The following AMOTL1 variants were observed in gnomAD, a reference collection of about 807,000 sequenced individuals.
AMOTL1 encodes angiomotin like 1, also known as angiomotin-like protein 1.
Under a neutral mutation model 102.9 loss-of-function variants are expected in AMOTL1, and 45 were observed. The ratio of observed to expected loss-of-function variants is 0.44; its 90% CI spans 0.34 to 0.56. The LOEUF (loss-of-function observed/expected upper bound fraction) is 0.56, where lower values mean the gene tolerates loss of function less well. Among genes scored for constraint, AMOTL1 ranks in the 20% least tolerant of loss-of-function variants. The pLI, the probability that AMOTL1 is intolerant of heterozygous loss-of-function variation, is 0.01. For missense variants in AMOTL1, 1,114 were observed against 1,225.6 expected (o/e 0.91, Z 1.36); for synonymous variants, 481 against 484.7 (o/e 0.99, Z 0.10).
At chr11:94,731,729 G>A (rs950028248) in intron 2 of AMOTL1, among the ~76,000 whole-genome samples, 3 of 152,164 alleles carry the variant, frequency 2.0e-5, no homozygotes, top group Non-Finnish European at 4.4e-5. Flanking sequence ...AAACTTGTAC[G>A]ACATCATTCA....
intron 1 of AMOTL1, among the ~76,000 whole-genome samples, chr11:94,791,733 C>A (rs534896047): frequency 1.3e-5 from 2 of 152,326 alleles, no homozygotes; most frequent in South Asian, 4.1e-4. Context: ...AGCTCTCGCT[C>A]CTGGCCATGA....
In AMOTL1 at chr11:94,875,215, T is replaced by C. The variant is rs1488735913; in HGVS notation, c.*4420T>C. On this transcript the variant is annotated 3_prime_UTR_variant, in exon 13 of 13. Transcript: ENST00000433060. ...CTCTGACGTGTGGCTCCATGGGAGA[T>C]AGGCAAAGTAATTAAGAAGTTACCA... The C allele has an allele frequency of 6.6e-6, 1 of 152,238 alleles. No homozygotes were observed. Among genetic ancestry groups the C allele is most frequent in the African/African-American group, 2.4e-5 (1 of 41,464 alleles). 9.4% of individuals were successfully genotyped at this position (152,238 alleles called of 1,614,324 possible).
At chr11:94,786,460 T>C (rs570406908) in intron 1 of AMOTL1, among the ~76,000 whole-genome samples, 1 of 152,212 alleles carries the variant, frequency 6.6e-6, no homozygotes, top group Admixed American at 6.5e-5. Context: ...TAGGGCACAG[T>C]CCTGTGGGCT....
In AMOTL1 at chr11:94,799,341, A is replaced by C; in HGVS notation, c.200-49A>C. On this transcript the variant is annotated intron_variant, in intron 2 of 12. Transcript: ENST00000433060. This position sits in a 1 kb window ranked among gnomAD's most constrained non-coding sequence, Gnocchi z 4.5. ...ATGTACCACATAGTCACAGACATAT[A>C]TCTCCTGTGGAGCTGCCTGATATCT... The C allele has an allele frequency of 7.1e-7, 1 of 1,410,184 alleles. No homozygotes were observed. The highest frequency in any genetic ancestry group is 9.6e-7 in the Non-Finnish European group (1 of 1,042,562). The allele number at this position is 1,410,184 out of a possible 1,614,324, so 87.4% of individuals were successfully genotyped here.
At chr11:94,866,668 T>G (rs113939952) in intron 11 of AMOTL1, 164 of 96,460 alleles carry the variant, frequency 1.7e-3, no homozygotes, top group African/African-American at 2.5e-3. Flanking sequence ...GGGATAATGG[T>G]GGGAGGAGAG....
At chr11:94,861,970 C>T (rs1460907260) in intron 9 of AMOTL1, among the ~76,000 whole-genome samples, 2 of 152,116 alleles carry the variant, frequency 1.3e-5, no homozygotes, top group Non-Finnish European at 2.9e-5. Context: ...TAGGCCCAGC[C>T]TTGTTCTTAT....
At chr11:94,719,548 C>G (rs1055802581) in intron 1 of AMOTL1, among the ~76,000 whole-genome samples, 1 of 146,566 alleles carries the variant, frequency 6.8e-6, no homozygotes, top group African/African-American at 2.5e-5. Context: ...ATTAGTAAGA[C>G]AAAAAGCCAG....
At chr11:94,823,596 C>T (rs1383516424) in intron 4 of AMOTL1, among the ~76,000 whole-genome samples, 1 of 152,182 alleles carries the variant, frequency 6.6e-6, no homozygotes, top group Non-Finnish European at 1.5e-5. Flanking sequence ...AGAAGCTATA[C>T]AGACCCACTT....
At chr11:94,774,964 G>GTC (rs1951004405) in intron 1 of AMOTL1, among the ~76,000 whole-genome samples, 1 of 151,934 alleles carries the variant, frequency 6.6e-6, no homozygotes, top group African/African-American at 2.4e-5. Flanking sequence ...TCTATCATTT[G>GTC]TCTCTCACTC....
intron 6 of AMOTL1, among the ~76,000 whole-genome samples, chr11:94,838,589 T>C (rs979612741): frequency 3.3e-5 from 5 of 152,188 alleles, no homozygotes; most frequent in African/African-American, 1.2e-4. Context: ...GGTCATACTT[T>C]GCTGACCTCG....
chr11:94,842,573 T>G (rs1478341263), intron 6 of AMOTL1, among the ~76,000 whole-genome samples: 1 of 152,230 alleles, frequency 6.6e-6, no homozygotes, highest in Non-Finnish European at 1.5e-5. Context: ...GCATTGCACT[T>G]TAGGCTTTAC....
chr11:94,835,990 G>C (rs760538793), intron 6 of AMOTL1, among the ~76,000 whole-genome samples: 1 of 152,150 alleles, frequency 6.6e-6, no homozygotes, highest in African/African-American at 2.4e-5. Context: ...AATGTAGCTG[G>C]CTGGCAATCA....
intron 9 of AMOTL1, among the ~76,000 whole-genome samples, chr11:94,860,451 A>T (rs1952753279): frequency 6.6e-6 from 1 of 152,196 alleles, no homozygotes; most frequent in African/African-American, 2.4e-5. Context: ...AAACTAGCTC[A>T]AAGTGTGCAG....
chr11:94,811,529 C>A (rs1234169424), intron 3 of AMOTL1, among the ~76,000 whole-genome samples: 1 of 150,746 alleles, frequency 6.6e-6, no homozygotes, highest in Non-Finnish European at 1.5e-5. Context: ...TTACCTTTTG[C>A]TGGCTGTCAT....
chr11:94,775,760 AGAT>A (rs1245931246), intron 1 of AMOTL1, among the ~76,000 whole-genome samples: 1 of 152,220 alleles, frequency 6.6e-6, no homozygotes, highest in Admixed American at 6.5e-5. Flanking sequence ...ACTGGGCTTC[AGAT>A]GATAAGACAG....
intron 2 of AMOTL1, chr11:94,796,959 A>G (rs1466240563): frequency 3.0e-6 from 3 of 984,982 alleles, no homozygotes; most frequent in Non-Finnish European, 2.4e-6. Flanking sequence ...TTCTCATTTC[A>G]CTGTAGACTG....
intron 7 of AMOTL1, 104 bp from the exon 8 acceptor site, chr11:94,853,829 T>C (rs920494077): frequency 1.4e-5 from 19 of 1,317,638 alleles, no homozygotes; most frequent in Non-Finnish European, 2.0e-5. Flanking sequence ...CGTGCACCTG[T>C]AGTTTAAATA....
chr11:94,810,676 A>G (rs747552141), intron 3 of AMOTL1, among the ~76,000 whole-genome samples: 1 of 152,064 alleles, frequency 6.6e-6, no homozygotes, highest in South Asian at 2.1e-4. Context: ...ATCCTGGGCT[A>G]TTAGAAACTA....
chr11:94,819,354 A>G (rs1046517489), intron 3 of AMOTL1, among the ~76,000 whole-genome samples: 2 of 152,272 alleles, frequency 1.3e-5, no homozygotes, highest in Non-Finnish European at 2.9e-5. Flanking sequence ...CCCACAAGGA[A>G]ACTCCTTGTG....
Sources: gnomAD v4.1 joint callset for allele counts (sites outside exome capture counted in the v4.1 genomes callset) on GRCh38, gnomAD v4.1.1 for gene constraint, Gnocchi (gnomAD v3.1) non-coding constraint, MANE v1.5 for transcripts, NCBI Gene and HGNC (gene_info 2026-07-23, HGNC 2026-07-21) for gene names.